The following MPDZ variants were observed in gnomAD, a reference collection of about 807,000 sequenced individuals.
MPDZ encodes multiple PDZ domain protein.
MPDZ carries 234 observed loss-of-function variants against 239.1 expected under a neutral mutation model. That is an observed-to-expected ratio of 0.98 (90% CI 0.88 to 1.09). The LOEUF is 1.09. Ranked by LOEUF, MPDZ falls within the 50% of genes least tolerant of loss-of-function variation. The probability of loss-of-function intolerance (pLI) is 0.00; values close to 1 mark genes in which losing one functional copy is unlikely to be tolerated. For synonymous variants in MPDZ, 1,048 were observed against 881.3 expected (o/e 1.19, Z -3.35); for missense variants, 3,175 against 2,510.0 (o/e 1.26, Z -5.66).
chr9:13,166,573 G>T (rs768194344), intron 22 of MPDZ, among the ~76,000 whole-genome samples: 1 of 152,094 alleles, frequency 6.6e-6, no homozygotes, highest in Non-Finnish European at 1.5e-5. Context: ...CTCACTGACT[G>T]AATGAATGGA....
At chr9:13,112,819 C>T (rs139357693) in intron 42 of MPDZ, among the ~76,000 whole-genome samples, 192 bp downstream of exon 42, 6 of 152,186 alleles carry the variant, frequency 3.9e-5, no homozygotes, top group East Asian at 1.9e-4. Flanking sequence ...ATGCAAACAA[C>T]GATTTTTCAA....
In MPDZ at chr9:13,223,566, C is replaced by T; in HGVS notation, c.533+5G>A. 6.2e-7 allele frequency: 1 copy of T among 1,603,808 alleles called. No homozygotes were observed. On this transcript the variant is annotated splice_donor_5th_base_variant and intron_variant, in intron 5 of 46. Coordinates refer to ENST00000319217, the MANE Select transcript of MPDZ (RefSeq NM_001378778.1). ...AAAACAAAGAAGACGCCGCGACCAT[C>T]TCACCTATGGGCCACACTGCCCTCT...
chr9:13,277,900 CA>C (rs1974604959), intron 1 of MPDZ, among the ~76,000 whole-genome samples: 1 of 152,102 alleles, frequency 6.6e-6, no homozygotes, highest in Admixed American at 6.5e-5. Context: ...TATTGTTTGC[CA>C]AAATTCCATC....
Position 13,168,465 on chromosome 9 carries a change from T to C in MPDZ, c.3155A>G (p.Asp1052Gly). 5.6e-6 allele frequency: 9 copies of C among 1,613,450 alleles called. No homozygotes were observed. Among genetic ancestry groups the C allele is most frequent in the Non-Finnish European group, 7.6e-6 (9 of 1,179,564 alleles). The change falls in exon 22 of 47, where the codon GAC (aspartate) becomes GGC (glycine). Residue 1052 changes from aspartate to glycine, a missense_variant. By Grantham distance (94) the Asp-to-Gly change is moderately conservative. Transcript: ENST00000319217. ...ISRDGRIAIG[D>G]CILSINEEST... ...CTCTTCATTAATGGACAAGATGCAGTCCCCAATGGCAATCCGGCCATCTCG... is the reference window on the plus strand; with the variant it reads ...CTCTTCATTAATGGACAAGATGCAGCCCCCAATGGCAATCCGGCCATCTCG...
rs370161594 is a variant in MPDZ, at chr9:13,253,225, T to TAAA, written c.-57-2856_-57-2854dup. Reference sequence around the variant, plus strand: ...CTTCCCCCAAAAAATACACAAAGGTTAAAAAAAAAAAAAGCCCCCAGATGA... The same window carrying TAAA: ...CTTCCCCCAAAAAATACACAAAGGTTAAAAAAAAAAAAAAAAGCCCCCAGATGA... On this transcript the variant is annotated intron_variant, in intron 1 of 46. Transcript: ENST00000319217. Among the ~76,000 whole-genome samples the TAAA allele has an allele frequency of 1.0e-4, 15 of 143,794 alleles. 1 individual carries two copies. The highest frequency in any genetic ancestry group is 3.5e-4 in the Admixed American group (5 of 14,396). The allele number at this position is 143,794 out of a possible 152,430, so 94.3% of individuals were successfully genotyped here. A position where few individuals can be genotyped will look rare whatever the true frequency, so the allele number is the denominator to read the frequency against.
intron 27 of MPDZ, among the ~76,000 whole-genome samples, chr9:13,142,825 ATTG>A (rs1947906986): frequency 2.0e-5 from 3 of 152,154 alleles, no homozygotes; most frequent in Admixed American, 2.0e-4. Flanking sequence ...CCTGAAAAAA[ATTG>A]TTGATGGCTT....
chr9:13,126,837 C>G (rs187866874), intron 32 of MPDZ, 65 bp from the exon 33 acceptor site: 15 of 1,354,676 alleles, frequency 1.1e-5, no homozygotes, highest in Non-Finnish European at 1.6e-5. Flanking sequence ...CAAATGGATA[C>G]CAAGGGTAAG....
intron 22 of MPDZ, among the ~76,000 whole-genome samples, chr9:13,165,215 C>T (rs188797485): frequency 1.3e-4 from 20 of 152,224 alleles, no homozygotes; most frequent in Middle Eastern, 3.4e-3. Context: ...ATTTTATGTT[C>T]TTACTTAAAC....
At chr9:13,269,917 A>G (rs1972586713) in intron 1 of MPDZ, among the ~76,000 whole-genome samples, 1 of 152,216 alleles carries the variant, frequency 6.6e-6, no homozygotes, top group Non-Finnish European at 1.5e-5. Context: ...CCTTAGCCAT[A>G]TAAGATAAAT....
intron 21 of MPDZ, among the ~76,000 whole-genome samples, chr9:13,170,964 A>AATAT (rs1251650823): frequency 2.0e-5 from 3 of 152,174 alleles, no homozygotes; most frequent in Non-Finnish European, 4.4e-5. Flanking sequence ...AGTATTAAAG[A>AATAT]ATATCCCAAA....
rs115170100 is a variant in MPDZ, at chr9:13,272,829, C to T, written c.-58+6571G>A. Reference sequence around the variant, plus strand: ...GGAGTGAGAAGCCGAGGAGGAAATACATAAGCTTTATGAAATTTACCCAGT... The same window carrying T: ...GGAGTGAGAAGCCGAGGAGGAAATATATAAGCTTTATGAAATTTACCCAGT... On this transcript the variant is annotated intron_variant, in intron 1 of 46. Transcript: ENST00000319217. 5.8e-3 allele frequency among the ~76,000 whole-genome samples: 880 copies of T among 151,808 alleles called. 10 individuals carry two copies. The highest frequency in any genetic ancestry group is 0.02 in the African/African-American group (840 of 41,360).
intron 22 of MPDZ, among the ~76,000 whole-genome samples, chr9:13,168,091 G>C (rs1951306742): frequency 6.6e-6 from 1 of 152,060 alleles, no homozygotes; most frequent in African/African-American, 2.4e-5. Flanking sequence ...GAGAATCATT[G>C]CATCCCTCAC....
chr9:13,266,732 T>C (rs1971875748), intron 1 of MPDZ, among the ~76,000 whole-genome samples: 1 of 152,230 alleles, frequency 6.6e-6, no homozygotes, highest in African/African-American at 2.4e-5. Flanking sequence ...TCAGCCATTA[T>C]TATGTGGGGT....
At chr9:13,109,175 A>T in intron 45 of MPDZ, 116 bp from the exon 46 acceptor site, 2 of 876,048 alleles carry the variant, frequency 2.3e-6, no homozygotes, top group Non-Finnish European at 3.0e-6. Context: ...GTTACTGACA[A>T]GGAGTATATT....
Position 13,109,036 on chromosome 9 carries a change from G to GT in MPDZ, c.5965dup (p.Thr1989AsnfsTer29). 6.4e-7 allele frequency: 1 copy of GT among 1,552,422 alleles called. No individual in the cohort carries two copies. Among genetic ancestry groups the GT allele is most frequent in the East Asian group, 2.3e-5 (1 of 42,590 alleles). On this transcript the variant is annotated frameshift_variant, in exon 46 of 47. Coordinates refer to ENST00000319217, the MANE Select transcript of MPDZ (RefSeq NM_001378778.1). LOFTEE classifies it high-confidence loss of function. The stretch of plus-strand genomic sequence containing the variant: ...TAAGCCATCTGGTCCTCGCTCTAGT[G>GT]TAATAGACTTACATTGAGGAGGTCT...
chr9:13,166,529 G>C (rs1407103751), intron 22 of MPDZ, among the ~76,000 whole-genome samples: 2 of 152,122 alleles, frequency 1.3e-5, no homozygotes, highest in Non-Finnish European at 2.9e-5. Context: ...TGTTTTGAAT[G>C]TCTGCATGTG....
At chr9:13,203,934 T>C (rs185981214) in intron 12 of MPDZ, among the ~76,000 whole-genome samples, 18 of 152,270 alleles carry the variant, frequency 1.2e-4, no homozygotes, top group African/African-American at 4.1e-4. Flanking sequence ...ATTCCTGATA[T>C]TCACTTTAGC....
intron 23 of MPDZ, among the ~76,000 whole-genome samples, 178 bp downstream of exon 23, chr9:13,162,513 T>C (rs1393265223): frequency 6.6e-6 from 1 of 151,950 alleles, no homozygotes; most frequent in Non-Finnish European, 1.5e-5. Flanking sequence ...TCTCAAATTT[T>C]CCATACTATA....
intron 22 of MPDZ, chr9:13,165,506 A>C: frequency 7.0e-7 from 1 of 1,432,366 alleles, no homozygotes; most frequent in Admixed American, 2.2e-5. Context: ...ATGTAGTTAA[A>C]AGTGGGTGCT....
Sources: allele counts gnomAD v4.1 joint callset (sites outside exome capture counted in the v4.1 genomes callset), GRCh38; gene constraint gnomAD v4.1.1; transcripts MANE v1.5; gene names NCBI Gene and HGNC (gene_info 2026-07-23, HGNC 2026-07-21).